SLC12A9: variants seen among roughly 807,000 people sequenced by gnomAD.
SLC12A9 encodes the protein CCC-interacting protein 1.
In SLC12A9, 55 loss-of-function variants were observed where a neutral mutation model predicts 66.0. The observed-to-expected ratio is 0.83, with a 90% CI of 0.67 to 1.04. SLC12A9 has a LOEUF of 1.04. Among genes scored for constraint, SLC12A9 ranks in the 50% least tolerant of loss-of-function variants. The pLI is 0.00. For synonymous variants in SLC12A9, 577 were observed against 569.0 expected, an observed-to-expected ratio of 1.01 and a Z score of -0.20; for missense variants, 1,061 against 1,241.9, an observed-to-expected ratio of 0.85 and a Z score of 2.19.
In SLC12A9 at chr7:100,861,245, C is replaced by T. The variant is rs1266422481; in HGVS notation, c.1326C>T (p.Ala442=). 3 of 1,614,238 alleles carry T rather than the reference C, an allele frequency of 1.9e-6. No homozygotes were observed. Among genetic ancestry groups the T allele is most frequent in the South Asian group, 1.1e-5 (1 of 91,090 alleles). The change falls in exon 10 of 14, where the codon GCC becomes GCT. Residue 442 remains alanine (A), a synonymous_variant. Transcript: ENST00000354161. This position sits in a 1 kb window ranked among gnomAD's most constrained non-coding sequence, Gnocchi z 5.3. ...VDLSCLSLEW[A]SAPNFRPTFS... ...TGTCCTGCCTGAGCCTGGAGTGGGCCTCGGCCCCCAACTTCCGGTGAGAGA... is the reference window on the plus strand; with the variant it reads ...TGTCCTGCCTGAGCCTGGAGTGGGCTTCGGCCCCCAACTTCCGGTGAGAGA...
Position 100,855,856 on chromosome 7 carries a change from C to A in SLC12A9, c.448+19C>A, listed in dbSNP as rs116375437. 8.5e-4 allele frequency: 1,335 copies of A among 1,579,686 alleles called. 11 individuals carry two copies. The African/African-American group carries it at 0.016, about 19-fold the overall frequency. On this transcript the variant is annotated intron_variant, in intron 4 of 13. Transcript: ENST00000354161. ...GGGGCCGGTCTGTGCTCTGTCCGAT[C>A]TGGGCAGTGCTGCGGGTTTACAGGG...
At chr7:100,860,499 C>A (rs1814681536) in intron 9 of SLC12A9, 2 of 500,178 alleles carry the variant, frequency 4.0e-6, no homozygotes, top group South Asian at 4.7e-5. Flanking sequence ...TTCACTGACA[C>A]TTTTTGGGGT....
At chr7:100,841,808 C>T (rs1813797449) in intron 1 of SLC12A9, among the ~76,000 whole-genome samples, 1 of 151,728 alleles carries the variant, frequency 6.6e-6, no homozygotes, top group African/African-American at 2.4e-5. Flanking sequence ...AGTTTAAAAA[C>T]TAATAAAAAT....
At chr7:100,856,610 G>A in intron 4 of SLC12A9, 1 of 463,148 alleles carries the variant, frequency 2.2e-6, no homozygotes, top group South Asian at 3.7e-5. Flanking sequence ...TGCCTCCCGG[G>A]CTCATGCGAT....
At chr7:100,849,529 A>G (rs1319356959), upstream of SLC12A9, among the ~76,000 whole-genome samples, 1 of 151,838 alleles carries the variant, frequency 6.6e-6, no homozygotes, top group Admixed American at 6.6e-5. Flanking sequence ...CAGCCTGGAG[A>G]ACATGGTGAA....
Position 100,866,661 on chromosome 7 carries a change from C to G in SLC12A9, c.*56C>G. The G allele has an allele frequency of 7.0e-7, 1 of 1,427,216 alleles. No homozygotes were observed. The highest frequency in any genetic ancestry group is 9.2e-7 in the Non-Finnish European group (1 of 1,086,106). The allele number at this position is 1,427,216 out of a possible 1,614,324, so 88.4% of individuals were successfully genotyped here. On this transcript the variant is annotated 3_prime_UTR_variant, in exon 14 of 14. Transcript: ENST00000354161. This position sits in a 1 kb window ranked among gnomAD's most constrained non-coding sequence, Gnocchi z 7.3. ...GCCCAGGCAGGCGGCCTATCCTGATCCTTGGAGGAGGAGGAAGAGGAGGCC... is the reference window on the plus strand; with the variant it reads ...GCCCAGGCAGGCGGCCTATCCTGATGCTTGGAGGAGGAGGAAGAGGAGGCC...
chr7:100,845,283 T>C (rs1813883753), intron 1 of SLC12A9, among the ~76,000 whole-genome samples: 1 of 150,268 alleles, frequency 6.7e-6, no homozygotes, highest in Non-Finnish European at 1.5e-5. Flanking sequence ...TATGTGGACA[T>C]AGAGCCTACG....
In SLC12A9 at chr7:100,866,168, CT is replaced by C. The variant is rs1261658354; in HGVS notation, c.2309del (p.Leu770ArgfsTer20). 5.0e-6 allele frequency: 8 copies of C among 1,612,538 alleles called. No individual in the cohort carries two copies. Among genetic ancestry groups the C allele is most frequent in the Non-Finnish European group, 6.8e-6 (8 of 1,179,738 alleles). On this transcript the variant is annotated frameshift_variant, in exon 14 of 14. Transcript: ENST00000354161. LOFTEE classifies it high-confidence loss of function. This position sits in a 1 kb window ranked among gnomAD's most constrained non-coding sequence, Gnocchi z 7.3. Reference protein sequence around the residue: ...AWHSARLRIFLCLGPREAPGA... With the variant: ...AWHSARLRIFXCLGPREAPGA... Reference sequence around the variant, plus strand: ...GCATAGCGCCCGGCTCCGGATCTTCCTGTGCCTGGGGCCTCGGGAGGCGCCT... The same window carrying C: ...GCATAGCGCCCGGCTCCGGATCTTCCGTGCCTGGGGCCTCGGGAGGCGCCT...
rs551273418 is a variant in SLC12A9, at chr7:100,832,801, G to A, written n.228+5754G>A. Among the ~76,000 whole-genome samples the A allele has an allele frequency of 2.0e-5, 3 of 151,752 alleles. No individual in the cohort carries two copies. The South Asian group carries it at 6.2e-4, about 32-fold the overall frequency. On this transcript the variant is annotated intron_variant and non_coding_transcript_variant, in intron 1 of 1. Coordinates refer to the SLC12A9 transcript ENST00000461016. ...TTTTTTTTCTTTTTTTAAGAGACAG[G>A]GTCTCCCTTTGTCACCCATGCTGGA...
Position 100,861,384 on chromosome 7 carries a change from G to A in SLC12A9, c.1344-8G>A. The A allele has an allele frequency of 6.2e-7, 1 of 1,612,910 alleles. No individual in the cohort carries two copies. Among genetic ancestry groups the A allele is most frequent in the African/African-American group, 1.3e-5 (1 of 75,020 alleles). On this transcript the variant is annotated splice_polypyrimidine_tract_variant and splice_region_variant and intron_variant, in intron 10 of 13. Transcript: ENST00000354161. The surrounding 1 kb of genome is among the most constrained non-coding windows in gnomAD (Gnocchi z 5.3). ...AGTTTCTGTCCCTCCTCCCCTCCAT[G>A]CCCGCAGCCCCACCTTCAGCCTGTT...
rs1295837955 is a variant in SLC12A9, at chr7:100,866,950, T to C, written c.*345T>C. 1 of 297,406 alleles carries C rather than the reference T, an allele frequency of 3.4e-6. No homozygotes were observed. The highest frequency in any genetic ancestry group is 2.2e-5 in the African/African-American group (1 of 46,110). 18.4% of individuals were successfully genotyped at this position (297,406 alleles called of 1,614,324 possible). A position where few individuals can be genotyped will look rare whatever the true frequency, so the allele number is the denominator to read the frequency against. On this transcript the variant is annotated 3_prime_UTR_variant, in exon 14 of 14. Coordinates refer to ENST00000354161, the MANE Select transcript of SLC12A9 (RefSeq NM_020246.4). The surrounding 1 kb of genome is among the most constrained non-coding windows in gnomAD (Gnocchi z 7.3). ...ACTCACCGGCCCACTGGGGTGGTGATGTTTTCGTTCTGTTTTATTTTTCTA... is the reference window on the plus strand; with the variant it reads ...ACTCACCGGCCCACTGGGGTGGTGACGTTTTCGTTCTGTTTTATTTTTCTA...
At chr7:100,840,488 G>A (rs1444825457) in intron 1 of SLC12A9, among the ~76,000 whole-genome samples, 5 of 152,006 alleles carry the variant, frequency 3.3e-5, no homozygotes, top group Admixed American at 2.6e-4. Flanking sequence ...CTTGGTTACA[G>A]CTAGTTTTAG....
At chr7:100,840,813 A>G (rs935205480) in intron 1 of SLC12A9, among the ~76,000 whole-genome samples, 4 of 152,158 alleles carry the variant, frequency 2.6e-5, no homozygotes, top group African/African-American at 7.2e-5. Context: ...TTTAAAACCT[A>G]TAATTGATAA....
upstream of SLC12A9, among the ~76,000 whole-genome samples, chr7:100,849,273 C>A (rs901062712): frequency 2.0e-5 from 3 of 151,720 alleles, no homozygotes; most frequent in African/African-American, 7.3e-5. Context: ...TAAGTGGGGT[C>A]TTGCTCTGTC....
Position 100,866,384 on chromosome 7 carries a change from C to T in SLC12A9, c.2524C>T (p.Arg842Trp), listed in dbSNP as rs771390111. The change falls in exon 14 of 14, where the codon CGG becomes TGG. Residue 842 changes from arginine (R) to tryptophan (W), a missense_variant. Arg to Trp is a moderately radical substitution (Grantham distance 101). Coordinates refer to ENST00000354161, the MANE Select transcript of SLC12A9 (RefSeq NM_020246.4). The surrounding 1 kb of genome is among the most constrained non-coding windows in gnomAD (Gnocchi z 7.3). ...GGCACGCAGCGCCAACGCCCTGGTT[C>T]GGGCCCAGCAGGGGCGCGGCACAGG... The part of the protein sequence containing the change: ...ALARSANALV[R>W]AQQGRGTGGG... The T allele has an allele frequency of 9.8e-6, 15 of 1,527,514 alleles. No individual in the cohort carries two copies. The East Asian group carries it at 1.2e-4, about 13-fold the overall frequency. 94.6% of individuals were successfully genotyped at this position (1,527,514 alleles called of 1,614,324 possible). A position where few individuals can be genotyped will look rare whatever the true frequency, so the allele number is the denominator to read the frequency against.
intron 4 of SLC12A9, chr7:100,856,543 C>A: frequency 4.3e-6 from 1 of 233,704 alleles, no homozygotes; most frequent in East Asian, 8.6e-5. Flanking sequence ...GAGAGAAGGT[C>A]TCACTCTGTC....
intron 13 of SLC12A9, among the ~76,000 whole-genome samples, chr7:100,864,889 G>A (rs1235873268): frequency 6.6e-6 from 1 of 152,206 alleles, no homozygotes; most frequent in Non-Finnish European, 1.5e-5. Flanking sequence ...GAACCACCAT[G>A]ATTAGGGTTT....
chr7:100,854,160 C>T lies in SLC12A9; in HGVS notation c.-38C>T. 6.6e-7 allele frequency: 1 copy of T among 1,519,658 alleles called. No individual in the cohort carries two copies. 94.1% of individuals were successfully genotyped at this position (1,519,658 alleles called of 1,614,324 possible). On this transcript the variant is annotated 5_prime_UTR_variant, in exon 2 of 14. Coordinates refer to ENST00000354161, the MANE Select transcript of SLC12A9 (RefSeq NM_020246.4). ...GCAACATAATCTCCTTTGCAGGTCACCTAACCCATTTGTGGCTTCCTCTAC... is the reference window on the plus strand; with the variant it reads ...GCAACATAATCTCCTTTGCAGGTCATCTAACCCATTTGTGGCTTCCTCTAC...
chr7:100,866,894 T>C lies in SLC12A9; in HGVS notation c.*289T>C. On this transcript the variant is annotated 3_prime_UTR_variant, in exon 14 of 14. Coordinates refer to ENST00000354161, the MANE Select transcript of SLC12A9 (RefSeq NM_020246.4). This position sits in a 1 kb window ranked among gnomAD's most constrained non-coding sequence, Gnocchi z 7.3. ...AGGGGCCAGGCCTCCTCTGTGACTC[T>C]GGGCTACCTCAGTTTCCCCATTTTG... 2.6e-6 allele frequency: 1 copy of C among 377,898 alleles called. No homozygotes were observed. The highest frequency in any genetic ancestry group is 4.7e-6 in the Non-Finnish European group (1 of 211,522). The allele number at this position is 377,898 out of a possible 1,614,324, so 23.4% of individuals were successfully genotyped here.
Sources: gnomAD v4.1 joint callset for allele counts (sites outside exome capture counted in the v4.1 genomes callset) on GRCh38, gnomAD v4.1.1 for gene constraint, Gnocchi (gnomAD v3.1) non-coding constraint, MANE v1.5 for transcripts, NCBI Gene and HGNC (gene_info 2026-07-23, HGNC 2026-07-21) for gene names.